Variants in CTBS observed in about 807,000 individuals in gnomAD.
CTBS encodes the protein di-N-acetylchitobiase.
CTBS carries 35 observed loss-of-function variants against 44.3 expected under a neutral mutation model. The ratio of observed to expected loss-of-function variants is 0.79; its 90% CI spans 0.60 to 1.05. The LOEUF (loss-of-function observed/expected upper bound fraction) is 1.05. Ranked by LOEUF, CTBS falls within the 50% of genes least tolerant of loss-of-function variation. CTBS has a pLI of 0.00. For missense variants in CTBS, 458 were observed against 475.3 expected (o/e 0.96, Z 0.34); for synonymous variants, 143 against 168.0 (o/e 0.85, Z 1.15).
chr1:84,556,420 G>C (rs1380085424), intron 6 of CTBS, among the ~76,000 whole-genome samples: 1 of 152,082 alleles, frequency 6.6e-6, no homozygotes, highest in Non-Finnish European at 1.5e-5. Flanking sequence ...CTCTTAAGAT[G>C]ACCACTTTGG....
Position 84,570,721 on chromosome 1 carries a change from CT to C in CTBS, c.178-2del, listed in dbSNP as rs1558632310. 2 of 1,611,546 alleles carry C rather than the reference CT, an allele frequency of 1.2e-6. No homozygotes were observed. Among genetic ancestry groups the C allele is most frequent in the Admixed American group, 1.7e-5 (1 of 59,500 alleles). ...TCTGTCCAACATCAAACACAAAGAC[CT>C]GCCAGAACAAAGATGAGCACCATCA... On this transcript the variant is annotated splice_acceptor_variant, in intron 1 of 6. Coordinates refer to ENST00000370630, the MANE Select transcript of CTBS (RefSeq NM_004388.3). LOFTEE classifies it high-confidence loss of function.
At position 84,572,592 on chromosome 1, in the gene CTBS, G is replaced by C. The variant is rs536593517; in HGVS notation, c.177+1647C>G. Among the ~76,000 whole-genome samples the C allele has an allele frequency of 2.6e-5, 4 of 151,944 alleles. No individual in the cohort carries two copies. The East Asian group carries it at 7.7e-4, about 29-fold the overall frequency. ...AAGCATAATTTTGCTTCTTTGAATA[G>C]TTGGTTTTCAAAGTGCCCACAGATA... On this transcript the variant is annotated intron_variant, in intron 1 of 6. Coordinates refer to ENST00000370630, the MANE Select transcript of CTBS (RefSeq NM_004388.3).
At chr1:84,567,296 T>C (rs1020251724) in intron 3 of CTBS, among the ~76,000 whole-genome samples, 3 of 152,234 alleles carry the variant, frequency 2.0e-5, no homozygotes, top group Non-Finnish European at 4.4e-5. Context: ...TCCTATTTTA[T>C]CACTGCCTCT....
Position 84,555,023 on chromosome 1 carries a change from T to A in CTBS, c.1134A>T (p.Leu378Phe). The A allele has an allele frequency of 6.2e-7, 1 of 1,613,986 alleles. No homozygotes were observed. Among genetic ancestry groups the A allele is most frequent in the Non-Finnish European group, 8.5e-7 (1 of 1,179,958 alleles). Residue 378 changes from leucine to phenylalanine, a missense_variant, in exon 7 of 7, where the codon TTA becomes TTT. Leu to Phe is a conservative substitution (Grantham distance 22). Transcript: ENST00000370630. ...TTCATCTCTGTAACAGCTTTGGCTT[T>A]AAGACTTCCCACATTTCTTCAGTTT... ...KQQTEEMWEV[L>F]KPKLLQR is the part of the protein sequence containing the mutation.
intron 6 of CTBS, among the ~76,000 whole-genome samples, chr1:84,560,075 C>T (rs538194575): frequency 7.6e-4 from 81 of 106,164 alleles, no homozygotes; most frequent in Middle Eastern, 7.2e-3. Context: ...CAGAGCAAGA[C>T]TCTGTCTCAA....
chr1:84,556,434 C>T (rs934465575), intron 6 of CTBS, among the ~76,000 whole-genome samples: 6 of 151,988 alleles, frequency 3.9e-5, no homozygotes, highest in African/African-American at 9.7e-5. Flanking sequence ...ACTTTGGGGC[C>T]GGGCACGGTG....
rs1570456512 is a variant in CTBS, at chr1:84,550,605, G to C, written c.*4394C>G. On this transcript the variant is annotated 3_prime_UTR_variant, in exon 7 of 7. Transcript: ENST00000370630. ...AAAATATTTTGGTGTTTTAACTTTG[G>C]GTGTCAATAATATAAGGGTAGCCAG... The C allele has an allele frequency of 1.7e-5, 24 of 1,391,590 alleles. No homozygotes were observed. The East Asian group carries it at 6.3e-4, about 37-fold the overall frequency. 86.2% of individuals were successfully genotyped at this position (1,391,590 alleles called of 1,614,324 possible).
At chr1:84,562,684 C>T (rs773053892) in intron 6 of CTBS, among the ~76,000 whole-genome samples, 1 of 152,178 alleles carries the variant, frequency 6.6e-6, no homozygotes, top group Non-Finnish European at 1.5e-5. Flanking sequence ...CTATTAAACA[C>T]TACTTGACAG....
In CTBS at chr1:84,554,976, C is replaced by T; in HGVS notation, c.*23G>A. 1 of 1,596,892 alleles carries T rather than the reference C, an allele frequency of 6.3e-7. No individual in the cohort carries two copies. Among genetic ancestry groups the T allele is most frequent in the Non-Finnish European group, 8.6e-7 (1 of 1,165,720 alleles). On this transcript the variant is annotated 3_prime_UTR_variant, in exon 7 of 7. Transcript: ENST00000370630. ...GTTGATACAGATCATCTTTCTAACT[C>T]TTAATGGTTTGACAAAAGATGTTCA... is the stretch of plus-strand genomic sequence containing the variant.
intron 4 of CTBS, among the ~76,000 whole-genome samples, chr1:84,565,624 A>G (rs921282048): frequency 2.6e-5 from 4 of 152,206 alleles, no homozygotes; most frequent in African/African-American, 9.6e-5. Flanking sequence ...AAATATACCT[A>G]TACCACAAGA....
At position 84,551,391 on chromosome 1, in the gene CTBS, T is replaced by TA. The variant is rs1684267172; in HGVS notation, c.*3607dup. The stretch of plus-strand genomic sequence containing the variant: ...AATAAAAATAAATAAAATTTAAAAA[T>TA]AAAAAAATAGAATTAGCACTGTCCA... On this transcript the variant is annotated 3_prime_UTR_variant, in exon 7 of 7. Coordinates refer to ENST00000370630, the MANE Select transcript of CTBS (RefSeq NM_004388.3). 2.6e-5 allele frequency: 18 copies of TA among 695,062 alleles called. No individual in the cohort carries two copies. The South Asian group carries it at 5.9e-4, about 23-fold the overall frequency. The allele number at this position is 695,062 out of a possible 1,614,324, so 43.1% of individuals were successfully genotyped here. A position where few individuals can be genotyped will look rare whatever the true frequency, so the allele number is the denominator to read the frequency against.
intron 1 of CTBS, among the ~76,000 whole-genome samples, chr1:84,572,123 C>T (rs1647324328): frequency 1.3e-5 from 2 of 152,080 alleles, no homozygotes; most frequent in Admixed American, 1.3e-4. Context: ...AGGGGATATG[C>T]ATTACAAAAG....
rs1028652110 is a variant in CTBS at position 84,551,994 on chromosome 1, T to C, written c.*3005A>G. 3 of 151,904 alleles carry C rather than the reference T, an allele frequency of 2.0e-5. No individual in the cohort carries two copies. Among genetic ancestry groups the C allele is most frequent in the East Asian group, 3.9e-4 (2 of 5,180 alleles). 9.4% of individuals were successfully genotyped at this position (151,904 alleles called of 1,614,324 possible). On this transcript the variant is annotated 3_prime_UTR_variant, in exon 7 of 7. Coordinates refer to ENST00000370630, the MANE Select transcript of CTBS (RefSeq NM_004388.3). ...TTTGAACTCAAATTAGAATTGTTCATACAAAAACAGTAAGGACAAGTGGAA... is the reference window on the plus strand; with the variant it reads ...TTTGAACTCAAATTAGAATTGTTCACACAAAAACAGTAAGGACAAGTGGAA...
chr1:84,550,382 A>G lies in CTBS; in HGVS notation c.*4617T>C. 1.1e-6 allele frequency: 1 copy of G among 944,720 alleles called. No homozygotes were observed. The highest frequency in any genetic ancestry group is 2.6e-5 in the South Asian group (1 of 38,724). 58.5% of individuals were successfully genotyped at this position (944,720 alleles called of 1,614,324 possible). On this transcript the variant is annotated 3_prime_UTR_variant, in exon 7 of 7. Transcript: ENST00000370630. ...GTTTATGTTCACAAGGCAGTTAAAA[A>G]TAAAAATGTTTATATGTTATACTAA...
chr1:84,559,225 C>CATT (rs1684537045), intron 6 of CTBS, among the ~76,000 whole-genome samples: 1 of 152,108 alleles, frequency 6.6e-6, no homozygotes, highest in African/African-American at 2.4e-5. Flanking sequence ...CAAACTTTTT[C>CATT]ATTATTATTA....
intron 6 of CTBS, among the ~76,000 whole-genome samples, chr1:84,560,097 AAAAGAAAGAAAGAAAGAAAG>A (rs59549626): frequency 4.4e-5 from 5 of 114,714 alleles, no homozygotes; most frequent in Admixed American, 1.1e-4. Context: ...AAAAAAAAAA[AAAAGAAAGAAAGAAAGAAAG>A]AAAGAAAGAA....
Position 84,553,987 on chromosome 1 carries a change from A to G in CTBS, c.*1012T>C, listed in dbSNP as rs1570461512. 6.6e-6 allele frequency: 1 copy of G among 152,152 alleles called. No individual in the cohort carries two copies. Among genetic ancestry groups the G allele is most frequent in the East Asian group, 1.9e-4 (1 of 5,194 alleles). The allele number at this position is 152,152 out of a possible 1,614,324, so 9.4% of individuals were successfully genotyped here. ...AGTTGAGAAGCTAATCAGTGTCTTT[A>G]GATCATTAAAAGCACAATGCAGCTC... is the stretch of plus-strand genomic sequence containing the variant. On this transcript the variant is annotated 3_prime_UTR_variant, in exon 7 of 7. Coordinates refer to ENST00000370630, the MANE Select transcript of CTBS (RefSeq NM_004388.3).
intron 6 of CTBS, among the ~76,000 whole-genome samples, chr1:84,562,607 C>A (rs543087883): frequency 6.6e-6 from 1 of 152,112 alleles, no homozygotes; most frequent in Admixed American, 6.5e-5. Flanking sequence ...TGTGGAAGAG[C>A]CTTTATAATG....
intron 3 of CTBS, among the ~76,000 whole-genome samples, chr1:84,566,809 A>G (rs1684709907): frequency 6.6e-6 from 1 of 151,812 alleles, no homozygotes; most frequent in African/African-American, 2.4e-5. Flanking sequence ...ATTTTTTTGT[A>G]TTTTTAGTAG....
Sources: allele counts gnomAD v4.1 joint callset (sites outside exome capture counted in the v4.1 genomes callset), GRCh38; gene constraint gnomAD v4.1.1; transcripts MANE v1.5; gene names NCBI Gene and HGNC (gene_info 2026-07-23, HGNC 2026-07-21).